The following NR3C2 variants were observed in gnomAD, a reference collection of about 807,000 sequenced individuals.
NR3C2 encodes the protein nuclear receptor subfamily 3 group C member 2.
A neutral mutation model predicts 86.4 loss-of-function variants in NR3C2; 15 were observed. That is an observed-to-expected ratio of 0.17 (90% CI 0.12 to 0.27). The LOEUF (loss-of-function observed/expected upper bound fraction) is 0.27, where lower values mean the gene tolerates loss of function less well. Among genes scored for constraint, NR3C2 ranks in the 10% least tolerant of loss-of-function variants. The probability of loss-of-function intolerance (pLI) is 1.00; values close to 1 mark genes in which losing one functional copy is unlikely to be tolerated. For missense variants in NR3C2, 960 were observed against 1,195.6 expected, an observed-to-expected ratio of 0.80 and a Z score of 2.91; for synonymous variants, 458 against 450.5, an observed-to-expected ratio of 1.02 and a Z score of -0.21.
intron 8 of NR3C2, among the ~76,000 whole-genome samples, chr4:148,099,064 C>T (rs1209680770): frequency 6.6e-6 from 1 of 152,186 alleles, no homozygotes; most frequent in Non-Finnish European, 1.5e-5. Context: ...TCCCTGGCCA[C>T]ACCTGCAAGG....
chr4:148,193,436 A>T (rs1477220924), intron 4 of NR3C2, among the ~76,000 whole-genome samples: 3 of 152,146 alleles, frequency 2.0e-5, no homozygotes, highest in Non-Finnish European at 4.4e-5. Context: ...AAAATTCACA[A>T]TGCAAGCCTC....
At chr4:148,157,255 T>C (rs1734440888) in intron 4 of NR3C2, among the ~76,000 whole-genome samples, 1 of 151,722 alleles carries the variant, frequency 6.6e-6, no homozygotes, top group African/African-American at 2.4e-5. Context: ...TGTATACATA[T>C]GTAACTAACC....
At chr4:148,427,263 C>T (rs148500731) in intron 2 of NR3C2, among the ~76,000 whole-genome samples, 1 of 152,238 alleles carries the variant, frequency 6.6e-6, no homozygotes, top group African/African-American at 2.4e-5. Flanking sequence ...ATTTCTCTTA[C>T]TCACCATTAT....
intron 3 of NR3C2, among the ~76,000 whole-genome samples, chr4:148,218,847 T>C (rs889841599): frequency 2.6e-5 from 4 of 152,240 alleles, no homozygotes; most frequent in Non-Finnish European, 5.9e-5. Context: ...CTGAACAGTA[T>C]TCCATTATGT....
chr4:148,420,575 G>C (rs550717867), intron 2 of NR3C2, among the ~76,000 whole-genome samples: 1 of 152,098 alleles, frequency 6.6e-6, no homozygotes, highest in Non-Finnish European at 1.5e-5. Context: ...TCTAGATTGG[G>C]TGTTCCTAAA....
intron 3 of NR3C2, among the ~76,000 whole-genome samples, chr4:148,252,539 CT>C (rs1259903998): frequency 6.6e-6 from 1 of 152,166 alleles, no homozygotes; most frequent in Non-Finnish European, 1.5e-5. Flanking sequence ...GGGAGAGTTA[CT>C]TTTTAAATCT....
At chr4:148,320,673 T>C (rs1462667569) in intron 2 of NR3C2, among the ~76,000 whole-genome samples, 4 of 152,012 alleles carry the variant, frequency 2.6e-5, no homozygotes, top group African/African-American at 4.8e-5. Flanking sequence ...TAGAGGTGTT[T>C]GTAGTATTCT....
chr4:148,443,749 G>A (rs1373059768), upstream of NR3C2, among the ~76,000 whole-genome samples: 1 of 151,558 alleles, frequency 6.6e-6, no homozygotes, highest in African/African-American at 2.4e-5. Context: ...GCGGCCTCCC[G>A]CCTCACCCTC....
At chr4:148,375,218 G>A (rs1474599609) in intron 2 of NR3C2, among the ~76,000 whole-genome samples, 1 of 152,166 alleles carries the variant, frequency 6.6e-6, no homozygotes, top group Non-Finnish European at 1.5e-5. Context: ...CACTTTGGGA[G>A]GCCGAGGTTG....
At chr4:148,357,117 A>C (rs1369494957) in intron 2 of NR3C2, among the ~76,000 whole-genome samples, 1 of 152,160 alleles carries the variant, frequency 6.6e-6, no homozygotes, top group African/African-American at 2.4e-5. Flanking sequence ...CCCATGGTAG[A>C]TAATGGAAGG....
At position 148,081,280 on chromosome 4, in the gene NR3C2, G is replaced by A. The variant is rs1278193349; in HGVS notation, c.*64C>T. The A allele has an allele frequency of 7.5e-6, 12 of 1,602,608 alleles. No individual in the cohort carries two copies. Among genetic ancestry groups the A allele is most frequent in the Middle Eastern group, 1.7e-4 (1 of 6,058 alleles). Reference sequence around the variant, plus strand: ...CACATGTTAAAAACAGGTTTTCTTGGGTCCTTCTGGGTGTGGAACAACACA... The same window carrying A: ...CACATGTTAAAAACAGGTTTTCTTGAGTCCTTCTGGGTGTGGAACAACACA... On this transcript the variant is annotated 3_prime_UTR_variant, in exon 9 of 9. Coordinates refer to ENST00000358102, the MANE Select transcript of NR3C2 (RefSeq NM_000901.5).
At chr4:148,331,259 A>C (rs1579168716) in intron 2 of NR3C2, among the ~76,000 whole-genome samples, 1 of 149,188 alleles carries the variant, frequency 6.7e-6, no homozygotes, top group South Asian at 2.1e-4. Flanking sequence ...TCTTCTTATA[A>C]GAAAAAAGCA....
At chr4:148,087,108 G>A (rs1730849108) in intron 8 of NR3C2, among the ~76,000 whole-genome samples, 3 of 152,166 alleles carry the variant, frequency 2.0e-5, no homozygotes, top group Admixed American at 2.0e-4. Context: ...AAAGTTACAA[G>A]CATTCCTATA....
chr4:148,208,494 A>G (rs1256295961), intron 3 of NR3C2: 2 of 152,248 alleles, frequency 1.3e-5, no homozygotes, highest in East Asian at 3.8e-4. Flanking sequence ...GTTAATGCCT[A>G]TGTAGTACCC....
chr4:148,293,997 G>A (rs148545505), intron 2 of NR3C2, among the ~76,000 whole-genome samples: 1 of 152,234 alleles, frequency 6.6e-6, no homozygotes, highest in East Asian at 1.9e-4. Flanking sequence ...ACTCAAAGCT[G>A]CTCTTCTCAA....
intron 6 of NR3C2, among the ~76,000 whole-genome samples, chr4:148,125,965 T>G (rs1473686207): frequency 6.6e-6 from 1 of 152,244 alleles, no homozygotes; most frequent in Non-Finnish European, 1.5e-5. Flanking sequence ...AAGACTGATT[T>G]AGATTGTGAC....
intron 2 of NR3C2, among the ~76,000 whole-genome samples, chr4:148,417,902 T>C (rs1404666942): frequency 6.6e-6 from 1 of 152,220 alleles, no homozygotes; most frequent in Admixed American, 6.5e-5. Flanking sequence ...TAGTGACGTT[T>C]AATGTGTGGG....
intron 8 of NR3C2, among the ~76,000 whole-genome samples, chr4:148,098,556 C>A (rs1310748785): frequency 6.6e-6 from 1 of 152,160 alleles, no homozygotes; most frequent in African/African-American, 2.4e-5. Context: ...GCAGAGTCAC[C>A]TTGTTTGACC....
chr4:148,144,631 C>G (rs1295855959), intron 6 of NR3C2, among the ~76,000 whole-genome samples: 1 of 152,160 alleles, frequency 6.6e-6, no homozygotes, highest in African/African-American at 2.4e-5. Flanking sequence ...TCTACCTCTC[C>G]TCTCTCCCTG....
Sources: allele counts gnomAD v4.1 joint callset (sites outside exome capture counted in the v4.1 genomes callset), GRCh38; gene constraint gnomAD v4.1.1; transcripts MANE v1.5; gene names NCBI Gene and HGNC (gene_info 2026-07-23, HGNC 2026-07-21).